Variants in EXOC3L2 observed in about 807,000 individuals in gnomAD.
The protein encoded by EXOC3L2 is exocyst complex component 3-like protein 2.
Under a neutral mutation model 44.4 loss-of-function variants are expected in EXOC3L2, and 17 were observed. The ratio of observed to expected loss-of-function variants is 0.38; its 90% CI spans 0.26 to 0.57. The LOEUF (loss-of-function observed/expected upper bound fraction) is 0.57, where lower values mean the gene tolerates loss of function less well. EXOC3L2 is among the 20% of genes least tolerant of loss of function. EXOC3L2 has a pLI of 0.65. For synonymous variants in EXOC3L2, 256 were observed against 253.7 expected (o/e 1.01, Z -0.09); for missense variants, 541 against 588.4 (o/e 0.92, Z 0.83).
At chr19:45,228,416 G>A (rs1447216610) in intron 4 of EXOC3L2, 150 bp from the exon 5 acceptor site, 22 of 677,788 alleles carry the variant, frequency 3.2e-5, no homozygotes, top group South Asian at 2.4e-4. Flanking sequence ...GCTGGGGAGG[G>A]AGGCTGAGCC....
intron 1 of EXOC3L2, among the ~76,000 whole-genome samples, chr19:45,243,723 G>A (rs1421643997): frequency 6.6e-6 from 1 of 151,798 alleles, no homozygotes; most frequent in African/African-American, 2.4e-5. Flanking sequence ...CCACCTCCAG[G>A]GTTCAAGCGA....
At chr19:45,245,301 G>A (rs1970160911) in intron 1 of EXOC3L2, 40 bp downstream of exon 1, 3 of 152,264 alleles carry the variant, frequency 2.0e-5, no homozygotes, top group Admixed American at 6.5e-5. Flanking sequence ...AGTTGCCCTG[G>A]GGAAGGGGGA....
At chr19:45,235,851 A>AG (rs1017230407) in intron 2 of EXOC3L2, among the ~76,000 whole-genome samples, 2 of 152,100 alleles carry the variant, frequency 1.3e-5, no homozygotes, top group African/African-American at 4.8e-5. Flanking sequence ...AGGACAGAAA[A>AG]GGCTCTCCTG....
At chr19:45,237,009 G>GAA (rs796623483) in intron 2 of EXOC3L2, among the ~76,000 whole-genome samples, 7 of 122,536 alleles carry the variant, frequency 5.7e-5, no homozygotes, top group South Asian at 2.7e-4. Flanking sequence ...TGTCTCAAAG[G>GAA]AAAAAAAAAA....
chr19:45,212,904 T>G lies in EXOC3L2; in HGVS notation c.*165A>C. On this transcript the variant is annotated 3_prime_UTR_variant, in exon 12 of 12. Transcript: ENST00000413988. ...CATGAGCCACCGTGCCTGGCGTTTG[T>G]TTCCCTTCTGTACAGGGAGTTTGGG... is the stretch of plus-strand genomic sequence containing the variant. 1.3e-6 allele frequency: 1 copy of G among 756,360 alleles called. No homozygotes were observed. Among genetic ancestry groups the G allele is most frequent in the South Asian group, 2.9e-5 (1 of 35,086 alleles). The allele number at this position is 756,360 out of a possible 1,614,324, so 46.9% of individuals were successfully genotyped here. A position where few individuals can be genotyped will look rare whatever the true frequency, so the allele number is the denominator to read the frequency against.
rs192046388 is a variant in EXOC3L2 at position 45,236,629 on chromosome 19, A to G, written c.524-1803T>C. Among the ~76,000 whole-genome samples, 20 of 151,952 alleles carry G rather than the reference A, an allele frequency of 1.3e-4. No individual in the cohort carries two copies. The East Asian group carries it at 3.9e-3, about 29-fold the overall frequency. On this transcript the variant is annotated intron_variant, in intron 2 of 11. Coordinates refer to ENST00000413988, the MANE Select transcript of EXOC3L2 (RefSeq NM_001382422.1). ...AGGGGTGAAGATAGATTAGGGATGAAGAGGAGGTTGCGTTTGGAGTTGGAA... is the reference window on the plus strand; with the variant it reads ...AGGGGTGAAGATAGATTAGGGATGAGGAGGAGGTTGCGTTTGGAGTTGGAA...
rs539798301 is a variant in EXOC3L2, at chr19:45,219,011, G to A, written c.1720-692C>T. Among the ~76,000 whole-genome samples the A allele has an allele frequency of 4.3e-4, 65 of 152,150 alleles. 1 individual carries two copies. Among genetic ancestry groups the A allele is most frequent in the African/African-American group, 1.5e-3 (64 of 41,528 alleles). ...CCTAGCACTTTGGAAGGCTGCGGCG[G>A]GTGGATCACCTAAGGTCAGGAGTTC... On this transcript the variant is annotated intron_variant, in intron 8 of 11. Transcript: ENST00000413988.
chr19:45,222,477 AG>A (rs1454715297), intron 8 of EXOC3L2, among the ~76,000 whole-genome samples: 3 of 152,316 alleles, frequency 2.0e-5, no homozygotes, highest in Admixed American at 2.0e-4. Context: ...CTAAGATTAC[AG>A]GCATGAGCCA....
chr19:45,220,034 G>A (rs763481589), intron 8 of EXOC3L2, among the ~76,000 whole-genome samples: 14 of 152,020 alleles, frequency 9.2e-5, no homozygotes, highest in Non-Finnish European at 1.8e-4. Flanking sequence ...TTAGCTAGGC[G>A]TGATGGTGGG....
intron 8 of EXOC3L2, among the ~76,000 whole-genome samples, chr19:45,223,436 G>A (rs1225554924): frequency 6.6e-6 from 1 of 151,974 alleles, no homozygotes; most frequent in Non-Finnish European, 1.5e-5. Context: ...TCAGCCCCCT[G>A]GGTACAGGCA....
intron 4 of EXOC3L2, 57 bp from the exon 5 acceptor site, chr19:45,228,323 T>A (rs1969990164): frequency 2.0e-6 from 3 of 1,464,766 alleles, no homozygotes; most frequent in Non-Finnish European, 2.8e-6. Context: ...AGGTCTTTTT[T>A]TTTATCTCTT....
chr19:45,215,470 C>CA lies in EXOC3L2; in HGVS notation c.2120+602dup, dbSNP rs887173093. Among the ~76,000 whole-genome samples the CA allele has an allele frequency of 5.6e-4, 75 of 134,794 alleles. No individual in the cohort carries two copies. In the East Asian group the frequency reaches 0.01, roughly 19 times the overall value. The allele number at this position is 134,794 out of a possible 152,430, so 88.4% of individuals were successfully genotyped here. The stretch of plus-strand genomic sequence containing the variant: ...AGGGAAACAGAGTGAGACCCTGTCT[C>CA]AAAAAAAAAAGAAAAAAAGTTGGCA... On this transcript the variant is annotated intron_variant, in intron 11 of 11. Transcript: ENST00000413988.
Position 45,217,619 on chromosome 19 carries a change from C to T in EXOC3L2, c.1907G>A (p.Arg636His), listed in dbSNP as rs991650719. The T allele has an allele frequency of 2.0e-6, 3 of 1,498,796 alleles. No homozygotes were observed. The Admixed American group carries it at 6.9e-5, about 34-fold the overall frequency. 92.8% of individuals were successfully genotyped at this position (1,498,796 alleles called of 1,614,324 possible). A position where few individuals can be genotyped will look rare whatever the true frequency, so the allele number is the denominator to read the frequency against. Residue 636 changes from arginine to histidine, a missense_variant, in exon 10 of 12, where the codon CGC (arginine) becomes CAC (histidine). By Grantham distance (29) the Arg-to-His change is conservative. Transcript: ENST00000413988. ...VEYVRPLLRG[R>H]LRCSSARTRS... Reference sequence around the variant, plus strand: ...GGTCCGCGCCGAGCTGCAGCGCAGGCGCCCACGGAGCAGGGGCCGCACGTA... The same window carrying T: ...GGTCCGCGCCGAGCTGCAGCGCAGGTGCCCACGGAGCAGGGGCCGCACGTA...
intron 11 of EXOC3L2, among the ~76,000 whole-genome samples, chr19:45,214,635 T>C (rs1969814379): frequency 6.6e-6 from 1 of 151,916 alleles, no homozygotes; most frequent in African/African-American, 2.4e-5. Flanking sequence ...TGGCTAATTT[T>C]TGTATTTTTA....
Position 45,218,305 on chromosome 19 carries a change from C to T in EXOC3L2, c.1734G>A (p.Lys578=). The T allele has an allele frequency of 3.1e-6, 5 of 1,606,476 alleles. No individual in the cohort carries two copies. The highest frequency in any genetic ancestry group is 4.2e-6 in the Non-Finnish European group (5 of 1,176,966). ...TGCTCAGCCACTTCCGGCGCATCAG[C>T]TTGTTGAAGTGTGGCTGGCAGGGAC... is the stretch of plus-strand genomic sequence containing the variant. The part of the protein sequence containing the change: ...LFQELQPHFN[K]LMRRKWLSSP... Residue 578 remains lysine (K), a synonymous_variant, in exon 9 of 12, where the codon AAG becomes AAA. Transcript: ENST00000413988.
intron 10 of EXOC3L2, 130 bp downstream of exon 10, chr19:45,217,398 A>G: frequency 8.4e-7 from 1 of 1,188,766 alleles, no homozygotes; most frequent in Non-Finnish European, 1.1e-6. Flanking sequence ...GTTGCTATTG[A>G]CCCGAAGTTG....
At chr19:45,217,759 C>T (rs952447949) in intron 9 of EXOC3L2, 76 bp from the exon 10 acceptor site, 15 of 1,370,976 alleles carry the variant, frequency 1.1e-5, no homozygotes, top group African/African-American at 9.2e-5. Flanking sequence ...CTGAAGGCCA[C>T]CCCCGCCCCA....
chr19:45,227,143 A>G (rs893190362), intron 7 of EXOC3L2, among the ~76,000 whole-genome samples: 1 of 147,856 alleles, frequency 6.8e-6, no homozygotes, highest in African/African-American at 2.5e-5. Context: ...TTTGAGACGG[A>G]GTCTTGCTCT....
rs551675713 is a variant in EXOC3L2, at chr19:45,238,869, C to T, written c.177G>A (p.Glu59=). Residue 59 remains glutamate, a synonymous_variant, in exon 2 of 12, where the codon GAG becomes GAA. Transcript: ENST00000413988. This position sits in a 1 kb window ranked among gnomAD's most constrained non-coding sequence, Gnocchi z 5.5. ...GTSCRRRATL[E]KLAGLAPFRL... ...GGAAGGGGGCCAGGCCCGCAAGCTT[C>T]TCCAGGGTGGCGCGGCGGCGACAAG... 17 of 399,194 alleles carry T rather than the reference C, an allele frequency of 4.3e-5. No individual in the cohort carries two copies. Among genetic ancestry groups the T allele is most frequent in the African/African-American group, 3.3e-4 (16 of 48,756 alleles). 24.7% of individuals were successfully genotyped at this position (399,194 alleles called of 1,614,324 possible). A position where few individuals can be genotyped will look rare whatever the true frequency, so the allele number is the denominator to read the frequency against.
Sources: gnomAD v4.1 joint callset for allele counts (sites outside exome capture counted in the v4.1 genomes callset) on GRCh38, gnomAD v4.1.1 for gene constraint, Gnocchi (gnomAD v3.1) non-coding constraint, MANE v1.5 for transcripts, NCBI Gene and HGNC (gene_info 2026-07-23, HGNC 2026-07-21) for gene names.